The following SPAG16 variants were observed in gnomAD, a reference collection of about 807,000 sequenced individuals.
SPAG16 encodes the protein sperm associated antigen 16.
SPAG16 carries 86 observed loss-of-function variants against 80.4 expected under a neutral mutation model. The observed-to-expected ratio is 1.07, with a 90% CI of 0.90 to 1.28. The LOEUF (loss-of-function observed/expected upper bound fraction) is 1.28. Among genes scored for constraint, SPAG16 ranks in the 50% most tolerant of loss-of-function variants. The probability of loss-of-function intolerance (pLI) is 0.00; values close to 1 mark genes in which losing one functional copy is unlikely to be tolerated. For synonymous variants in SPAG16, 294 were observed against 265.9 expected, an observed-to-expected ratio of 1.11 and a Z score of -1.03; for missense variants, 870 against 765.3, an observed-to-expected ratio of 1.14 and a Z score of -1.61.
chr2:213,990,356 A>G (rs1384216320), intron 12 of SPAG16, among the ~76,000 whole-genome samples: 1 of 152,122 alleles, frequency 6.6e-6, no homozygotes, highest in Non-Finnish European at 1.5e-5. Flanking sequence ...ATTCTTAAAC[A>G]ATGCAATGGT....
At chr2:213,725,993 C>T (rs2066753271) in intron 10 of SPAG16, among the ~76,000 whole-genome samples, 1 of 152,166 alleles carries the variant, frequency 6.6e-6, no homozygotes, top group South Asian at 2.1e-4. Context: ...TCTTTTTCGG[C>T]ATTTCTCAAC....
intron 10 of SPAG16, among the ~76,000 whole-genome samples, chr2:213,669,932 T>C (rs1034075929): frequency 6.6e-6 from 1 of 152,148 alleles, no homozygotes; most frequent in African/African-American, 2.4e-5. Flanking sequence ...TCCTGGGTGA[T>C]TAGATTTAGA....
intron 14 of SPAG16, among the ~76,000 whole-genome samples, chr2:214,128,356 T>A (rs921389438): frequency 2.0e-5 from 3 of 151,816 alleles, no homozygotes; most frequent in African/African-American, 7.2e-5. Context: ...AGTTAAATCT[T>A]ATATTTCTCA....
intron 12 of SPAG16, among the ~76,000 whole-genome samples, chr2:213,966,442 T>A (rs2044714418): frequency 6.6e-6 from 1 of 152,168 alleles, no homozygotes; most frequent in African/African-American, 2.4e-5. Context: ...GCTTCTAATA[T>A]TAGATGTTAG....
chr2:214,093,142 T>C (rs1274497245), intron 13 of SPAG16, among the ~76,000 whole-genome samples: 4 of 152,082 alleles, frequency 2.6e-5, no homozygotes, highest in Non-Finnish European at 5.9e-5. Flanking sequence ...AGTTACCACC[T>C]CTCTGATCCT....
intron 10 of SPAG16, among the ~76,000 whole-genome samples, chr2:213,744,336 G>T (rs1394223607): frequency 6.6e-6 from 1 of 152,046 alleles, no homozygotes; most frequent in Non-Finnish European, 1.5e-5. Context: ...GCTGGAAACT[G>T]GATTTTACTT....
chr2:213,661,843 A>G (rs1317830815), intron 10 of SPAG16, among the ~76,000 whole-genome samples: 2 of 152,214 alleles, frequency 1.3e-5, no homozygotes, highest in African/African-American at 4.8e-5. Flanking sequence ...CCAGATAATA[A>G]TTCCTGAATT....
chr2:214,188,910 A>T (rs951953488), intron 15 of SPAG16, among the ~76,000 whole-genome samples: 5 of 152,028 alleles, frequency 3.3e-5, no homozygotes, highest in Non-Finnish European at 7.4e-5. Flanking sequence ...TCTGTGCTTC[A>T]TTTATAGCAA....
chr2:213,732,790 A>T (rs1260621945), intron 10 of SPAG16, among the ~76,000 whole-genome samples: 1 of 152,132 alleles, frequency 6.6e-6, no homozygotes, highest in Non-Finnish European at 1.5e-5. Context: ...ATAAGCACTT[A>T]GGTTGAGTTC....
intron 13 of SPAG16, among the ~76,000 whole-genome samples, chr2:214,064,979 GAATA>G (rs561618059): frequency 1.3e-5 from 2 of 151,760 alleles, no homozygotes; most frequent in East Asian, 1.9e-4. Context: ...AAGAATATAA[GAATA>G]AATAATAATA....
intron 10 of SPAG16, among the ~76,000 whole-genome samples, chr2:213,719,651 T>G (rs2125389555): frequency 6.6e-6 from 1 of 152,278 alleles, no homozygotes; most frequent in South Asian, 2.1e-4. Context: ...CATCTCATGC[T>G]AGTTAGATCG....
At chr2:214,389,224 T>C (rs1700928293) in intron 15 of SPAG16, among the ~76,000 whole-genome samples, 1 of 152,188 alleles carries the variant, frequency 6.6e-6, no homozygotes, top group Admixed American at 6.5e-5. Context: ...AAATCCAATA[T>C]GTATTTCAAA....
intron 10 of SPAG16, among the ~76,000 whole-genome samples, chr2:213,708,061 AC>A (rs2125349993): frequency 6.6e-6 from 1 of 152,312 alleles, no homozygotes; most frequent in East Asian, 1.9e-4. Flanking sequence ...CTGTGAAATT[AC>A]AATACTATGG....
At chr2:213,575,495 A>T (rs997358612) in intron 10 of SPAG16, among the ~76,000 whole-genome samples, 4 of 152,110 alleles carry the variant, frequency 2.6e-5, no homozygotes, top group Admixed American at 2.6e-4. Flanking sequence ...GTTAAGTCTT[A>T]TATTGGGAAT....
chr2:213,586,128 G>T (rs1183523545), intron 10 of SPAG16, among the ~76,000 whole-genome samples: 2 of 152,062 alleles, frequency 1.3e-5, no homozygotes, highest in Non-Finnish European at 1.5e-5. Flanking sequence ...CTTACCCCTA[G>T]AATAGTTTTC....
intron 12 of SPAG16, among the ~76,000 whole-genome samples, chr2:213,932,041 T>C (rs1284318619): frequency 6.6e-6 from 1 of 151,342 alleles, no homozygotes; most frequent in African/African-American, 2.4e-5. Context: ...ATTTCATAGA[T>C]TACTTGAACT....
At chr2:213,703,065 C>A (rs12472571) in intron 10 of SPAG16, among the ~76,000 whole-genome samples, 64,600 of 152,030 alleles carry the variant, frequency 0.42, 14,917 homozygotes, top group African/African-American at 0.6. Flanking sequence ...TCCTGGAAGA[C>A]GTTTTAATGG....
intron 15 of SPAG16, among the ~76,000 whole-genome samples, chr2:214,407,991 C>T (rs1559278698): frequency 6.9e-6 from 1 of 144,148 alleles, no homozygotes; most frequent in Non-Finnish European, 1.5e-5. Context: ...TTCAGGTAAA[C>T]TTGAAAAACC....
intron 10 of SPAG16, among the ~76,000 whole-genome samples, chr2:213,613,493 A>G (rs1427159195): frequency 6.6e-6 from 1 of 152,172 alleles, no homozygotes; most frequent in Non-Finnish European, 1.5e-5. Flanking sequence ...TGCACTTGCC[A>G]TTCCTGCCAC....
Sources: gnomAD v4.1 joint callset for allele counts (sites outside exome capture counted in the v4.1 genomes callset) on GRCh38, gnomAD v4.1.1 for gene constraint, MANE v1.5 for transcripts, NCBI Gene and HGNC (gene_info 2026-07-23, HGNC 2026-07-21) for gene names.